The following NKAIN3 variants were observed in gnomAD, a reference collection of about 807,000 sequenced individuals.
NKAIN3 encodes the protein sodium/potassium transporting ATPase interacting 3, also known as sodium/potassium-transporting ATPase subunit beta-1-interacting protein 3.
Under a neutral mutation model 30.2 loss-of-function variants are expected in NKAIN3, and 25 were observed. That is an observed-to-expected ratio of 0.83 (90% confidence interval 0.60 to 1.16). The LOEUF (loss-of-function observed/expected upper bound fraction) is 1.16, where lower values mean the gene tolerates loss of function less well. NKAIN3 is among the 50% of genes most tolerant of loss of function. The pLI, the probability that NKAIN3 is intolerant of heterozygous loss-of-function variation, is 0.00. For synonymous variants in NKAIN3, 91 were observed against 89.6 expected, an observed-to-expected ratio of 1.02 and a Z score of -0.09; for missense variants, 225 against 254.1, an observed-to-expected ratio of 0.89 and a Z score of 0.78.
At chr8:62,576,549 T>G (rs1340051736) in intron 1 of NKAIN3, among the ~76,000 whole-genome samples, 1 of 152,092 alleles carries the variant, frequency 6.6e-6, no homozygotes, top group African/African-American at 2.4e-5. Context: ...CTTTTCTGAA[T>G]CACAACCACT....
intron 1 of NKAIN3, among the ~76,000 whole-genome samples, chr8:62,310,059 T>C (rs772223425): frequency 2.0e-5 from 3 of 150,670 alleles, no homozygotes; most frequent in Non-Finnish European, 4.4e-5. Context: ...CCTAGTGACC[T>C]AGTAGTGTAA....
intron 1 of NKAIN3, among the ~76,000 whole-genome samples, chr8:62,449,388 C>T (rs1805575454): frequency 6.6e-6 from 1 of 151,990 alleles, no homozygotes; most frequent in South Asian, 2.1e-4. Flanking sequence ...GAAACATTAA[C>T]AAATGGTGAA....
intron 1 of NKAIN3, among the ~76,000 whole-genome samples, chr8:62,250,682 C>A (rs1812073433): frequency 6.6e-6 from 1 of 152,090 alleles, no homozygotes; most frequent in African/African-American, 2.4e-5. Flanking sequence ...GCAGATTTAT[C>A]AATGCAATTA....
intron 1 of NKAIN3, among the ~76,000 whole-genome samples, chr8:62,345,348 C>CATATACACATATATGTAT (rs1441039686): frequency 1.0e-4 from 1 of 9,630 alleles, no homozygotes; most frequent in African/African-American, 1.8e-4. Context: ...TATATACACA[C>CATATACACATATATGTAT]ATATACACAT....
At position 62,704,176 on chromosome 8, in the gene NKAIN3, T is replaced by G. The variant is rs568837515; in HGVS notation, c.274-42756T>G. ...GTTTAATTTTCTTATCTTTTCTTTC[T>G]TATTTTCATCTTTTAAAATAATGTA... On this transcript the variant is annotated intron_variant, in intron 3 of 6. Coordinates refer to ENST00000623646, the MANE Select transcript of NKAIN3 (RefSeq NM_001304533.3). Among the ~76,000 whole-genome samples the G allele has an allele frequency of 1.1e-4, 17 of 152,322 alleles. No individual in the cohort carries two copies. In the East Asian group the frequency reaches 3.1e-3, roughly 28 times the overall value.
intron 4 of NKAIN3, among the ~76,000 whole-genome samples, chr8:62,865,181 A>G (rs1820381155): frequency 6.6e-6 from 1 of 152,196 alleles, no homozygotes; most frequent in South Asian, 2.1e-4. Context: ...GTACTTGTGG[A>G]GAAGTATGGC....
At chr8:62,821,147 C>T (rs1245906722) in intron 4 of NKAIN3, among the ~76,000 whole-genome samples, 1 of 152,000 alleles carries the variant, frequency 6.6e-6, no homozygotes, top group East Asian at 1.9e-4. Context: ...TCATGTCTTT[C>T]CCTTCTTTAT....
chr8:62,322,329 A>T (rs1384586938), intron 1 of NKAIN3, among the ~76,000 whole-genome samples: 1 of 152,080 alleles, frequency 6.6e-6, no homozygotes, highest in Non-Finnish European at 1.5e-5. Context: ...CACTGTACCC[A>T]CTGTCCTGCA....
intron 1 of NKAIN3, among the ~76,000 whole-genome samples, chr8:62,529,110 C>T (rs977933320): frequency 6.6e-6 from 1 of 152,078 alleles, no homozygotes; most frequent in African/African-American, 2.4e-5. Flanking sequence ...AGAACACACT[C>T]GCATGGGCAT....
chr8:62,812,290 TG>T (rs1225485356), intron 4 of NKAIN3, among the ~76,000 whole-genome samples: 1 of 151,922 alleles, frequency 6.6e-6, no homozygotes, highest in Non-Finnish European at 1.5e-5. Flanking sequence ...TTTATTTTTT[TG>T]GAATTGTTTT....
At chr8:62,688,581 G>A (rs183557173) in intron 3 of NKAIN3, among the ~76,000 whole-genome samples, 12 of 152,230 alleles carry the variant, frequency 7.9e-5, no homozygotes, top group East Asian at 7.7e-4. Flanking sequence ...ATACCTTGGC[G>A]TAAGGAAAGA....
At chr8:62,432,850 C>G (rs1300969721) in intron 1 of NKAIN3, among the ~76,000 whole-genome samples, 1 of 152,108 alleles carries the variant, frequency 6.6e-6, no homozygotes, top group Admixed American at 6.6e-5. Context: ...CTTATTCCTA[C>G]TGATCCCAAA....
rs78639033 is a variant in NKAIN3, at chr8:62,646,948, C to G, written c.273+57154C>G. ...AAAGATGACTTGTGCCCCCAGCTCC[C>G]AGCACAAAGGCCCTGGCAAGCAACT... On this transcript the variant is annotated intron_variant, in intron 3 of 6. Coordinates refer to ENST00000623646, the MANE Select transcript of NKAIN3 (RefSeq NM_001304533.3). 1.4e-3 allele frequency among the ~76,000 whole-genome samples: 209 copies of G among 152,186 alleles called. 6 individuals carry two copies. The East Asian group carries it at 0.035, about 26-fold the overall frequency.
intron 1 of NKAIN3, among the ~76,000 whole-genome samples, chr8:62,500,424 GGAAAGAAAGAAAGAAAGAAA>G (rs372867878): frequency 0.024 from 2,448 of 103,700 alleles, 47 homozygotes; most frequent in Admixed American, 0.052. Context: ...AAGGAAGAAA[GGAAAGAAAGAAAGAAAGAAA>G]GAAAGAAAGA....
At chr8:62,500,469 G>GAAGA (rs1458155378) in intron 1 of NKAIN3, among the ~76,000 whole-genome samples, 4 of 119,320 alleles carry the variant, frequency 3.4e-5, no homozygotes, top group Non-Finnish European at 3.5e-5. Context: ...AAGAAAGAAA[G>GAAGA]AAAGAAAGAA....
chr8:62,849,735 G>A (rs894433758), intron 4 of NKAIN3, among the ~76,000 whole-genome samples: 25 of 151,554 alleles, frequency 1.6e-4, no homozygotes, highest in Admixed American at 1.1e-3. Context: ...ATAGTTTGCT[G>A]AGAGTGATGG....
At position 62,878,758 on chromosome 8, in the gene NKAIN3, G is replaced by A. The variant is rs559053525; in HGVS notation, c.472-39695G>A. 1.3e-4 allele frequency among the ~76,000 whole-genome samples: 20 copies of A among 148,360 alleles called. No individual in the cohort carries two copies. The South Asian group carries it at 1.7e-3, about 13-fold the overall frequency. On this transcript the variant is annotated intron_variant, in intron 4 of 6. Transcript: ENST00000623646. Reference sequence around the variant, plus strand: ...TTCCCACCTATGAGTGAGAACATGCGGTGTTTGGTTTTTTGTCCTTGTGAT... The same window carrying A: ...TTCCCACCTATGAGTGAGAACATGCAGTGTTTGGTTTTTTGTCCTTGTGAT...
At chr8:62,682,076 C>A (rs1813659758) in intron 3 of NKAIN3, among the ~76,000 whole-genome samples, 1 of 152,062 alleles carries the variant, frequency 6.6e-6, no homozygotes, top group Non-Finnish European at 1.5e-5. Flanking sequence ...AGGAACATAC[C>A]AGGAAAGCCA....
rs187326940 is a variant in NKAIN3 at position 62,395,873 on chromosome 8, T to G, written c.54+146746T>G. Among the ~76,000 whole-genome samples the G allele has an allele frequency of 3.2e-3, 486 of 152,330 alleles. 4 individuals carry two copies. Among genetic ancestry groups the G allele is most frequent in the African/African-American group, 0.011 (462 of 41,580 alleles). On this transcript the variant is annotated intron_variant, in intron 1 of 6. Transcript: ENST00000623646. ...AATTAAAAAAGTAGTTGCATAGCTA[T>G]TTTTAAATGTTAATTATTCTTTCAA...
Sources: allele counts gnomAD v4.1 joint callset (sites outside exome capture counted in the v4.1 genomes callset), GRCh38; gene constraint gnomAD v4.1.1; transcripts MANE v1.5; gene names NCBI Gene and HGNC (gene_info 2026-07-23, HGNC 2026-07-21).